Variants in DHRS7C observed in about 807,000 individuals in gnomAD.
DHRS7C encodes the protein dehydrogenase/reductase SDR family member 7C.
DHRS7C carries 28 observed loss-of-function variants against 29.6 expected under a neutral mutation model. The ratio of observed to expected loss-of-function variants is 0.95; its 90% CI spans 0.70 to 1.30. DHRS7C has a LOEUF of 1.30. DHRS7C is among the 50% of genes most tolerant of loss of function. DHRS7C has a pLI of 0.00. For synonymous variants in DHRS7C, 158 were observed against 160.2 expected, an observed-to-expected ratio of 0.99 and a Z score of 0.10; for missense variants, 403 against 393.3, an observed-to-expected ratio of 1.02 and a Z score of -0.21.
chr17:9,775,532 G>A lies in DHRS7C; in HGVS notation c.571+1661C>T, dbSNP rs545012115. Among the ~76,000 whole-genome samples the A allele has an allele frequency of 7.2e-5, 11 of 152,230 alleles. No homozygotes were observed. Among genetic ancestry groups the A allele is most frequent in the Non-Finnish European group, 1.2e-4 (8 of 68,020 alleles). On this transcript the variant is annotated intron_variant, in intron 4 of 5. Coordinates refer to ENST00000571134, the MANE Select transcript of DHRS7C (RefSeq NM_001105571.3). This position sits in a 1 kb window ranked among gnomAD's most constrained non-coding sequence, Gnocchi z 4.2. ...AGCAGGGACCCAGTGGTGACCACAC[G>A]GAAGATGTTGTTGATGGAATGACTT...
intron 1 of DHRS7C, among the ~76,000 whole-genome samples, chr17:9,785,657 C>T (rs2066419063): frequency 6.6e-6 from 1 of 152,170 alleles, no homozygotes; most frequent in South Asian, 2.1e-4. Flanking sequence ...TCCCATTTCA[C>T]AGAAATGAAT....
At chr17:9,777,320 C>CT (rs1567701083) in intron 3 of DHRS7C, 35 bp from the exon 4 acceptor site, 1 of 1,590,834 alleles carries the variant, frequency 6.3e-7, no homozygotes, top group Admixed American at 1.7e-5. Flanking sequence ...ATGGTTAAAA[C>CT]TTTGAGACTG....
chr17:9,773,191 T>C (rs945377647), intron 4 of DHRS7C, among the ~76,000 whole-genome samples: 3 of 152,128 alleles, frequency 2.0e-5, no homozygotes, highest in African/African-American at 7.2e-5. Context: ...GGCTCAGTTT[T>C]CTTATCTTTA....
In DHRS7C at chr17:9,774,274, A is replaced by T. The variant is rs919150498; in HGVS notation, c.572-1352T>A. On this transcript the variant is annotated intron_variant, in intron 4 of 5. Coordinates refer to ENST00000571134, the MANE Select transcript of DHRS7C (RefSeq NM_001105571.3). The surrounding 1 kb of genome is among the most constrained non-coding windows in gnomAD (Gnocchi z 5.0). ...CAGACACGTGGACAGGTAACTTTCC[A>T]TGTGGTGTTTTTTGTTTTGTTTTGT... Among the ~76,000 whole-genome samples the T allele has an allele frequency of 6.6e-5, 10 of 151,864 alleles. No individual in the cohort carries two copies. Among genetic ancestry groups the T allele is most frequent in the African/African-American group, 9.7e-5 (4 of 41,302 alleles).
At chr17:9,773,029 G>C in intron 4 of DHRS7C, 107 bp from the exon 5 acceptor site, 2 of 1,335,336 alleles carry the variant, frequency 1.5e-6, no homozygotes, top group Non-Finnish European at 2.0e-6. Flanking sequence ...TACAGGCGCA[G>C]AGCTGGGAAG....
chr17:9,786,069 T>A (rs1011084628), intron 1 of DHRS7C, among the ~76,000 whole-genome samples: 1 of 151,840 alleles, frequency 6.6e-6, no homozygotes, highest in African/African-American at 2.4e-5. Context: ...ACGCCTGTAA[T>A]CCCAGCACTT....
chr17:9,776,031 G>A (rs771421418), intron 4 of DHRS7C, among the ~76,000 whole-genome samples: 17 of 152,082 alleles, frequency 1.1e-4, no homozygotes, highest in African/African-American at 1.9e-4. Context: ...GGGAAACCCC[G>A]TCCCTACTAA....
Position 9,786,328 on chromosome 17 carries a change from AAATAATAATAATAAT to A in DHRS7C, c.155-4749_155-4735del, listed in dbSNP as rs200610370. Among the ~76,000 whole-genome samples, 95 of 138,192 alleles carry A rather than the reference AAATAATAATAATAAT, an allele frequency of 6.9e-4. 2 individuals carry two copies. The highest frequency in any genetic ancestry group is 2.3e-3 in the African/African-American group (88 of 37,690). The allele number at this position is 138,192 out of a possible 152,430, so 90.7% of individuals were successfully genotyped here. A position where few individuals can be genotyped will look rare whatever the true frequency, so the allele number is the denominator to read the frequency against. ...GGCAACAAGAGCAAAACTCCGTCTCAAATAATAATAATAATAATAATAATAATAATAATAATAATT... is the reference window on the plus strand; with the variant it reads ...GGCAACAAGAGCAAAACTCCGTCTCAAATAATAATAATAATAATAATAATT... On this transcript the variant is annotated intron_variant, in intron 1 of 5. Coordinates refer to ENST00000571134, the MANE Select transcript of DHRS7C (RefSeq NM_001105571.3).
chr17:9,773,061 A>G, intron 4 of DHRS7C, 139 bp from the exon 5 acceptor site: 2 of 1,089,298 alleles, frequency 1.8e-6, no homozygotes, highest in Non-Finnish European at 2.6e-6. Context: ...TCTGCCCCTC[A>G]CTTTACAAAT....
Position 9,774,339 on chromosome 17 carries a change from C to T in DHRS7C, c.572-1417G>A, listed in dbSNP as rs1483916129. On this transcript the variant is annotated intron_variant, in intron 4 of 5. Coordinates refer to ENST00000571134, the MANE Select transcript of DHRS7C (RefSeq NM_001105571.3). This position sits in a 1 kb window ranked among gnomAD's most constrained non-coding sequence, Gnocchi z 5.0. ...TTGCTCTGTTGTCCGGGCTGGAGTA[C>T]AGTGGCTCAATCTCAGCTCACTGCA... Among the ~76,000 whole-genome samples the T allele has an allele frequency of 1.3e-5, 2 of 152,266 alleles. No individual in the cohort carries two copies. Among genetic ancestry groups the T allele is most frequent in the Admixed American group, 1.3e-4 (2 of 15,296 alleles).
intron 1 of DHRS7C, among the ~76,000 whole-genome samples, chr17:9,790,789 C>A (rs1473737542): frequency 6.6e-6 from 1 of 152,210 alleles, no homozygotes; most frequent in East Asian, 1.9e-4. Context: ...GCTCCTGAGT[C>A]TGGGCTCACA....
intron 5 of DHRS7C, among the ~76,000 whole-genome samples, chr17:9,772,455 C>T (rs911598544): frequency 6.6e-6 from 1 of 152,118 alleles, no homozygotes. Context: ...TCTTTAACCC[C>T]GAATCCAGGC....
intron 1 of DHRS7C, chr17:9,782,908 T>C (rs1404538868): frequency 6.6e-6 from 1 of 152,274 alleles, no homozygotes; most frequent in Admixed American, 6.5e-5. Context: ...TTGTGTGATT[T>C]TCTCCAGCAG....
rs1185818398 is a variant in DHRS7C, at chr17:9,774,410, G to A, written c.572-1488C>T. On this transcript the variant is annotated intron_variant, in intron 4 of 5. Transcript: ENST00000571134. This position sits in a 1 kb window ranked among gnomAD's most constrained non-coding sequence, Gnocchi z 5.0. ...AGCAATTCTCCAGCCTTAGCCTCCC[G>A]AGTAACTGAGATTATGGGTACACAC... Among the ~76,000 whole-genome samples, 1 of 152,110 alleles carries A rather than the reference G, an allele frequency of 6.6e-6. No homozygotes were observed. Among genetic ancestry groups the A allele is most frequent in the East Asian group, 1.9e-4 (1 of 5,182 alleles).
intron 4 of DHRS7C, among the ~76,000 whole-genome samples, chr17:9,773,567 T>C (rs932739637): frequency 2.0e-5 from 3 of 152,050 alleles, no homozygotes; most frequent in Non-Finnish European, 2.9e-5. Context: ...GCACCCCAAC[T>C]TCACATTTTA....
At chr17:9,773,708 T>C (rs528186676) in intron 4 of DHRS7C, among the ~76,000 whole-genome samples, 2 of 147,650 alleles carry the variant, frequency 1.4e-5, no homozygotes, top group Admixed American at 1.4e-4. Flanking sequence ...TCTAGTTCTC[T>C]GCAATGAGGC....
chr17:9,772,706 C>T, intron 5 of DHRS7C, 61 bp downstream of exon 5: 23 of 1,576,986 alleles, frequency 1.5e-5, no homozygotes, highest in Non-Finnish European at 2.0e-5. Context: ...ATTCATCCCC[C>T]CAGTGACACC....
At chr17:9,783,160 A>G (rs1202829524) in intron 1 of DHRS7C, among the ~76,000 whole-genome samples, 3 of 152,164 alleles carry the variant, frequency 2.0e-5, no homozygotes, top group African/African-American at 7.2e-5. Flanking sequence ...AAACAGGTGT[A>G]CTGGGCATCC....
At chr17:9,781,185 C>G (rs757896017) in intron 2 of DHRS7C, among the ~76,000 whole-genome samples, 11 of 152,148 alleles carry the variant, frequency 7.2e-5, no homozygotes, top group Non-Finnish European at 1.0e-4. Context: ...TGTTTGTAAT[C>G]ACAGTCCATA....
Sources: allele counts gnomAD v4.1 joint callset (sites outside exome capture counted in the v4.1 genomes callset), GRCh38; gene constraint gnomAD v4.1.1; non-coding constraint Gnocchi (gnomAD v3.1); transcripts MANE v1.5; gene names NCBI Gene and HGNC (gene_info 2026-07-23, HGNC 2026-07-21).